PTPRT: variants seen among roughly 807,000 people sequenced by gnomAD.
The protein encoded by PTPRT is receptor-type tyrosine-protein phosphatase T.
A neutral mutation model predicts 176.8 loss-of-function variants in PTPRT; 56 were observed. The ratio of observed to expected loss-of-function variants is 0.32; its 90% confidence interval spans 0.26 to 0.40. PTPRT has a LOEUF of 0.40. Ranked by LOEUF, PTPRT falls within the 10% of genes least tolerant of loss-of-function variation. The pLI, the probability that PTPRT is intolerant of heterozygous loss-of-function variation, is 1.00. For missense variants in PTPRT, 1,540 were observed against 1,908.2 expected (o/e 0.81, Z 3.60); for synonymous variants, 783 against 739.0 (o/e 1.06, Z -0.96).
intron 8 of PTPRT, among the ~76,000 whole-genome samples, chr20:42,470,347 C>T (rs1049047727): frequency 6.6e-6 from 1 of 152,156 alleles, no homozygotes; most frequent in Non-Finnish European, 1.5e-5. Flanking sequence ...TGAACAGTTC[C>T]CTGAAGGCTC....
At chr20:42,355,433 G>T (rs1432064690) in intron 9 of PTPRT, among the ~76,000 whole-genome samples, 1 of 152,222 alleles carries the variant, frequency 6.6e-6, no homozygotes, top group African/African-American at 2.4e-5. Flanking sequence ...AAGGAAAAAT[G>T]CTCGTGGAGG....
intron 3 of PTPRT, among the ~76,000 whole-genome samples, chr20:42,781,961 T>C (rs2145504392): frequency 6.6e-6 from 1 of 152,358 alleles, no homozygotes; most frequent in East Asian, 1.9e-4. Context: ...TTTCTGCATC[T>C]TTAATTATAG....
intron 12 of PTPRT, among the ~76,000 whole-genome samples, chr20:42,291,548 G>A (rs184518640): frequency 1.3e-5 from 2 of 152,164 alleles, no homozygotes; most frequent in African/African-American, 4.8e-5. Context: ...AGTGCCAGGT[G>A]CTGTGCATGT....
At chr20:42,168,094 C>A (rs1989906420) in intron 16 of PTPRT, among the ~76,000 whole-genome samples, 2 of 152,102 alleles carry the variant, frequency 1.3e-5, no homozygotes, top group South Asian at 4.1e-4. Context: ...AATATATTTA[C>A]TATTTATTAA....
chr20:43,120,285 T>G (rs1037626768), intron 1 of PTPRT, among the ~76,000 whole-genome samples: 2 of 151,926 alleles, frequency 1.3e-5, no homozygotes, highest in African/African-American at 4.8e-5. Flanking sequence ...CAGTTTTTTT[T>G]TTTTTAAATG....
At chr20:42,966,483 A>C (rs757314463) in intron 1 of PTPRT, 1 of 151,982 alleles carries the variant, frequency 6.6e-6, no homozygotes, top group African/African-American at 2.4e-5. Context: ...TTGCCCATCC[A>C]TTTCCCCCAG....
intron 7 of PTPRT, among the ~76,000 whole-genome samples, chr20:42,539,808 G>A (rs944051789): frequency 6.6e-6 from 1 of 151,912 alleles, no homozygotes; most frequent in Non-Finnish European, 1.5e-5. Context: ...TATATTAGAA[G>A]CCAATAAAAG....
chr20:42,210,926 T>C (rs1177650660), intron 15 of PTPRT, among the ~76,000 whole-genome samples: 1 of 150,834 alleles, frequency 6.6e-6, no homozygotes, highest in Admixed American at 6.6e-5. Context: ...CAAAACAGCA[T>C]GGTACTGGTA....
intron 17 of PTPRT, among the ~76,000 whole-genome samples, chr20:42,144,319 A>AT (rs1184372533): frequency 6.6e-6 from 1 of 152,226 alleles, no homozygotes; most frequent in Non-Finnish European, 1.5e-5. Context: ...AGTGCCTAGC[A>AT]TTGAATACTG....
At chr20:42,450,531 C>T (rs754598980) in intron 8 of PTPRT, among the ~76,000 whole-genome samples, 2 of 152,152 alleles carry the variant, frequency 1.3e-5, no homozygotes, top group Non-Finnish European at 2.9e-5. Flanking sequence ...TCCTGTATGG[C>T]TCTTCATTTT....
intron 1 of PTPRT, among the ~76,000 whole-genome samples, chr20:43,160,711 G>A (rs113334755): frequency 7.2e-5 from 11 of 152,104 alleles, no homozygotes; most frequent in African/African-American, 2.2e-4. Context: ...AGATCTAATG[G>A]AAAACAAAGT....
chr20:42,803,785 C>T (rs993875332), intron 2 of PTPRT, among the ~76,000 whole-genome samples: 5 of 152,182 alleles, frequency 3.3e-5, no homozygotes, highest in African/African-American at 1.2e-4. Context: ...AACTCCTGAC[C>T]TCAGGCAATC....
intron 11 of PTPRT, among the ~76,000 whole-genome samples, chr20:42,316,330 T>C (rs1357948438): frequency 6.6e-6 from 1 of 152,204 alleles, no homozygotes; most frequent in Non-Finnish European, 1.5e-5. Flanking sequence ...GGGCTCATCC[T>C]CAGTTCTTAA....
At chr20:42,839,559 T>A (rs187422915) in intron 2 of PTPRT, among the ~76,000 whole-genome samples, 1 of 152,254 alleles carries the variant, frequency 6.6e-6, no homozygotes, top group African/African-American at 2.4e-5. Context: ...TAGAAAGCAC[T>A]CACTGTGTGC....
At position 42,124,029 on chromosome 20, in the gene PTPRT, C is replaced by T. The variant is rs141396171; in HGVS notation, c.2848-4058G>A. ...GAAAAATTCATATTGACTGAATGTA[C>T]GCATGCTGTGTGCCTGTTCCCACGC... On this transcript the variant is annotated intron_variant, in intron 19 of 30. Coordinates refer to ENST00000373187, the MANE Select transcript of PTPRT (RefSeq NM_007050.6). 3.5e-4 allele frequency among the ~76,000 whole-genome samples: 53 copies of T among 152,284 alleles called. 1 individual carries two copies. In the East Asian group the frequency reaches 6.9e-3, roughly 20 times the overall value.
intron 15 of PTPRT, among the ~76,000 whole-genome samples, chr20:42,207,139 T>G (rs2055492121): frequency 6.6e-6 from 1 of 151,974 alleles, no homozygotes; most frequent in Admixed American, 6.6e-5. Context: ...AAAACCCATC[T>G]GTACATCACC....
intron 17 of PTPRT, among the ~76,000 whole-genome samples, chr20:42,149,419 T>C (rs1352956384): frequency 1.6e-5 from 1 of 64,106 alleles, no homozygotes; most frequent in African/African-American, 7.4e-5. Flanking sequence ...GGGAAAGTTT[T>C]GGATTTTTTT....
chr20:42,383,649 A>G (rs987771850), intron 9 of PTPRT, among the ~76,000 whole-genome samples: 1 of 152,170 alleles, frequency 6.6e-6, no homozygotes, highest in African/African-American at 2.4e-5. Context: ...AAATACAGGA[A>G]TAATGCAAGC....
chr20:42,165,744 T>C (rs1005812485), intron 16 of PTPRT, among the ~76,000 whole-genome samples: 3 of 152,230 alleles, frequency 2.0e-5, no homozygotes, highest in African/African-American at 7.2e-5. Context: ...AGGTGGCTTA[T>C]GTCTACTATA....
Sources: allele counts gnomAD v4.1 joint callset (sites outside exome capture counted in the v4.1 genomes callset), GRCh38; gene constraint gnomAD v4.1.1; transcripts MANE v1.5; gene names NCBI Gene and HGNC (gene_info 2026-07-23, HGNC 2026-07-21).